The following ZBTB32 variants were observed in gnomAD, a reference collection of about 807,000 sequenced individuals.
ZBTB32 encodes the protein zinc finger and BTB domain-containing protein 32.
Under a neutral mutation model 45.3 loss-of-function variants are expected in ZBTB32, and 28 were observed. That is an observed-to-expected ratio of 0.62 (90% confidence interval 0.46 to 0.85). The LOEUF is 0.85. Among genes scored for constraint, ZBTB32 ranks in the 40% least tolerant of loss-of-function variants. The probability of loss-of-function intolerance (pLI) is 0.00; values close to 1 mark genes in which losing one functional copy is unlikely to be tolerated. For missense variants in ZBTB32, 587 were observed against 624.4 expected (o/e 0.94, Z 0.64); for synonymous variants, 283 against 255.7 (o/e 1.11, Z -1.02).
intron 1 of ZBTB32, among the ~76,000 whole-genome samples, chr19:35,707,081 G>T (rs1163643004): frequency 6.6e-6 from 1 of 151,758 alleles, no homozygotes; most frequent in Admixed American, 6.6e-5. Flanking sequence ...TGTAATCCCA[G>T]CTACTCAGGA....
chr19:35,717,012 TAAAG>T lies in ZBTB32; in HGVS notation c.*262_*265del. ...GAGATTGTCGATCTCATCACCATAA[TAAAG>T]AGTTTCCTGTGCCCTCCCTTCAGGA... On this transcript the variant is annotated 3_prime_UTR_variant, in exon 7 of 7. Coordinates refer to ENST00000392197, the MANE Select transcript of ZBTB32 (RefSeq NM_014383.3). 2 of 528,038 alleles carry T rather than the reference TAAAG, an allele frequency of 3.8e-6. No individual in the cohort carries two copies. Among genetic ancestry groups the T allele is most frequent in the Admixed American group, 3.4e-5 (1 of 29,596 alleles). The allele number at this position is 528,038 out of a possible 1,614,324, so 32.7% of individuals were successfully genotyped here. A position where few individuals can be genotyped will look rare whatever the true frequency, so the allele number is the denominator to read the frequency against.
rs1568362890 is a variant in ZBTB32 at position 35,716,233 on chromosome 19, CTCTG to C, written c.1131_1134del (p.Cys378GlufsTer38). The C allele has an allele frequency of 6.2e-7, 1 of 1,613,934 alleles. No homozygotes were observed. The highest frequency in any genetic ancestry group is 1.7e-5 in the Admixed American group (1 of 60,014). On this transcript the variant is annotated frameshift_variant, in exon 6 of 7. Transcript: ENST00000392197. LOFTEE classifies it high-confidence loss of function. The stretch of plus-strand genomic sequence containing the variant: ...CTGCTCGGTCTCGGCCCTATGCGTG[CTCTG>C]TCTGTGGAAAGAGGTTTTCACTCAA...
At chr19:35,711,823 G>A (rs62109453) in intron 1 of ZBTB32, among the ~76,000 whole-genome samples, 11,676 of 151,724 alleles carry the variant, frequency 0.077, 608 homozygotes, top group Middle Eastern at 0.19. Flanking sequence ...TCAGGAATTC[G>A]AGACCAGCCT....
At chr19:35,709,785 A>C (rs756926741) in intron 1 of ZBTB32, among the ~76,000 whole-genome samples, 30 of 152,088 alleles carry the variant, frequency 2.0e-4, no homozygotes, top group Non-Finnish European at 3.7e-4. Flanking sequence ...AGGCTGAGGC[A>C]GGAGAATCAC....
Position 35,715,435 on chromosome 19 carries a change from C to T in ZBTB32, c.809C>T (p.Pro270Leu). ...PALWSILLMP[P>L]RYGIPFYHST... Reference sequence around the variant, plus strand: ...CTGTGGAGCATCCTGCTGATGCCGCCCAGATATGGCATTCCCTTCTACCAT... The same window carrying T: ...CTGTGGAGCATCCTGCTGATGCCGCTCAGATATGGCATTCCCTTCTACCAT... The change falls in exon 3 of 7, where the codon CCC (proline) becomes CTC (leucine). Residue 270 changes from proline (P) to leucine (L), a missense_variant. Physicochemically the swap from Pro to Leu is moderately conservative, Grantham distance 98. Coordinates refer to ENST00000392197, the MANE Select transcript of ZBTB32 (RefSeq NM_014383.3). The T allele has an allele frequency of 6.3e-7, 1 of 1,595,256 alleles. No individual in the cohort carries two copies.
rs1360349049 is a variant in ZBTB32, at chr19:35,716,280, A to T, written c.1172A>T (p.His391Leu). Residue 391 changes from histidine to leucine, a missense_variant, in exon 6 of 7, where the codon CAC (histidine) becomes CTC (leucine). Coordinates refer to ENST00000392197, the MANE Select transcript of ZBTB32 (RefSeq NM_014383.3). ...RFSLKHQMET[H>L]YRVHTGEKPF... Reference sequence around the variant, plus strand: ...TCACTCAAGCATCAGATGGAGACGCACTACCGAGTCCACACAGGTATGGGC... The same window carrying T: ...TCACTCAAGCATCAGATGGAGACGCTCTACCGAGTCCACACAGGTATGGGC... 2 of 1,612,624 alleles carry T rather than the reference A, an allele frequency of 1.2e-6. No homozygotes were observed. Among genetic ancestry groups the T allele is most frequent in the Non-Finnish European group, 1.7e-6 (2 of 1,179,510 alleles).
chr19:35,715,920 C>T lies in ZBTB32; in HGVS notation c.956-19C>T, dbSNP rs1391069114. On this transcript the variant is annotated intron_variant, in intron 4 of 6. Coordinates refer to ENST00000392197, the MANE Select transcript of ZBTB32 (RefSeq NM_014383.3). ...AGTCCAGCCTGAGCAGGGCCCCTAC[C>T]TCCCACTGTTCCTTCCAGGTTCCCT... 4 of 1,612,306 alleles carry T rather than the reference C, an allele frequency of 2.5e-6. No individual in the cohort carries two copies. The South Asian group carries it at 3.3e-5, about 13-fold the overall frequency.
intron 1 of ZBTB32, among the ~76,000 whole-genome samples, chr19:35,708,636 G>A (rs1352624392): frequency 6.6e-6 from 1 of 152,102 alleles, no homozygotes; most frequent in African/African-American, 2.4e-5. Context: ...AATCCACAAA[G>A]TGTGTGCTAT....
chr19:35,716,738 T>C lies in ZBTB32; in HGVS notation c.1450T>C (p.Ser484Pro), dbSNP rs868422797. 11 of 1,605,776 alleles carry C rather than the reference T, an allele frequency of 6.9e-6. No individual in the cohort carries two copies. The African/African-American group carries it at 1.3e-4, about 20-fold the overall frequency. Residue 484 changes from serine to proline, a missense_variant, in exon 7 of 7, where the codon TCC becomes CCC. Coordinates refer to ENST00000392197, the MANE Select transcript of ZBTB32 (RefSeq NM_014383.3). ...RPSTSPCCPS[S>P]STT ...CTCGACCTCTCCCTGTTGTCCTTCT[T>C]CCTCCACCACCTGACGGGGTGTCGG...
rs1242020284 is a variant in ZBTB32, at chr19:35,715,786, G to A, written c.911G>A (p.Gly304Glu). 6.2e-7 allele frequency: 1 copy of A among 1,613,474 alleles called. No individual in the cohort carries two copies. The highest frequency in any genetic ancestry group is 1.7e-5 in the Admixed American group (1 of 59,972). Reference protein sequence around the residue: ...RIPLSLNAPKGLWSQNQLASS... With the variant: ...RIPLSLNAPKELWSQNQLASS... Reference sequence around the variant, plus strand: ...CCACTGTCCCTAAATGCCCCCAAAGGGCTCTGGAGCCAGAACCAGTTGGCC... The same window carrying A: ...CCACTGTCCCTAAATGCCCCCAAAGAGCTCTGGAGCCAGAACCAGTTGGCC... The change falls in exon 4 of 7, where the codon GGG becomes GAG. Residue 304 changes from glycine to glutamate, a missense_variant. By Grantham distance (98) the Gly-to-Glu change is moderately conservative (BLOSUM62 -2). Coordinates refer to ENST00000392197, the MANE Select transcript of ZBTB32 (RefSeq NM_014383.3).
intron 3 of ZBTB32, 83 bp downstream of exon 3, chr19:35,715,590 T>C (rs2146419983): frequency 6.7e-7 from 1 of 1,488,402 alleles, no homozygotes; most frequent in Non-Finnish European, 9.0e-7. Context: ...GGAAGGGCAC[T>C]GCATCTCTAC....
intron 1 of ZBTB32, among the ~76,000 whole-genome samples, chr19:35,711,502 T>C (rs1968692075): frequency 6.6e-6 from 1 of 152,156 alleles, no homozygotes; most frequent in Non-Finnish European, 1.5e-5. Context: ...CTGACTCATC[T>C]TCCCCTCTCC....
intron 1 of ZBTB32, among the ~76,000 whole-genome samples, chr19:35,706,786 T>C (rs1267524349): frequency 5.3e-5 from 8 of 152,198 alleles, no homozygotes; most frequent in Admixed American, 5.2e-4. Context: ...ATCTTTTTTA[T>C]ACTCATGGGG....
chr19:35,714,492 C>T, intron 2 of ZBTB32, 31 bp from the exon 3 acceptor site: 8 of 991,418 alleles, frequency 8.1e-6, no homozygotes, highest in Non-Finnish European at 1.1e-5. Flanking sequence ...CTAGGACCAG[C>T]AACTCACACC....
rs773746029 is a variant in ZBTB32, at chr19:35,712,024, C to CAAAA, written c.-221-868_-221-865dup. Among the ~76,000 whole-genome samples, 76 of 54,798 alleles carry CAAAA rather than the reference C, an allele frequency of 1.4e-3. 4 individuals are homozygous for CAAAA. The highest frequency in any genetic ancestry group is 1.4e-3 in the Non-Finnish European group (40 of 29,494). 35.9% of individuals were successfully genotyped at this position (54,798 alleles called of 152,430 possible). On this transcript the variant is annotated intron_variant, in intron 1 of 6. Transcript: ENST00000392197. ...TGGGAGACAGAGCGAGACTGCGTCTCAAAAAAAAAAAAAAAAAAAAAAAAA... is the reference window on the plus strand; with the variant it reads ...TGGGAGACAGAGCGAGACTGCGTCTCAAAAAAAAAAAAAAAAAAAAAAAAAAAAA...
rs780163901 is a variant in ZBTB32 at position 35,716,579 on chromosome 19, T to C, written c.1291T>C (p.Ser431Pro). 2 of 1,613,244 alleles carry C rather than the reference T, an allele frequency of 1.2e-6. No homozygotes were observed. The highest frequency in any genetic ancestry group is 3.3e-5 in the Admixed American group (2 of 60,020). Residue 431 changes from serine (S) to proline (P), a missense_variant, in exon 7 of 7, where the codon TCC becomes CCC. Ser to Pro is a moderately conservative substitution (Grantham distance 74, BLOSUM62 -1). Transcript: ENST00000392197. The part of the protein sequence containing the change: ...RTHGAAPYRC[S>P]LCGAGCPSLA... ...ACACGGGGCCGCTCCGTACCGCTGC[T>C]CCCTGTGCGGGGCCGGCTGTCCCAG...
intron 1 of ZBTB32, among the ~76,000 whole-genome samples, chr19:35,705,842 C>T (rs924865799): frequency 4.0e-5 from 6 of 149,032 alleles, no homozygotes; most frequent in African/African-American, 9.9e-5. Context: ...ACCCACGAGG[C>T]GGAGGTTGCA....
Position 35,715,386 on chromosome 19 carries a change from T to C in ZBTB32, c.760T>C (p.Trp254Arg), listed in dbSNP as rs752952764. ...TAGGCCCTCGTGGGCTGAGGCCCCT[T>C]GGTTGGTGGGGGGCCAGCCTGCCCT... Reference protein sequence around the residue: ...TPRPSWAEAPWLVGGQPALWS... With the variant: ...TPRPSWAEAPRLVGGQPALWS... The change falls in exon 3 of 7, where the codon TGG (tryptophan) becomes CGG (arginine). Residue 254 changes from tryptophan (W) to arginine (R), a missense_variant. By Grantham distance (101) the Trp-to-Arg change is moderately radical. Coordinates refer to ENST00000392197, the MANE Select transcript of ZBTB32 (RefSeq NM_014383.3). The C allele has an allele frequency of 1.9e-6, 3 of 1,611,834 alleles. No homozygotes were observed. Among genetic ancestry groups the C allele is most frequent in the Admixed American group, 3.4e-5 (2 of 59,592 alleles).
At chr19:35,710,260 T>C in intron 1 of ZBTB32, among the ~76,000 whole-genome samples, 1 of 151,994 alleles carries the variant, frequency 6.6e-6, no homozygotes, top group Admixed American at 6.6e-5. Context: ...GAGAGGCTGA[T>C]ATCATATTGC....
Sources: allele counts gnomAD v4.1 joint callset (sites outside exome capture counted in the v4.1 genomes callset), GRCh38; gene constraint gnomAD v4.1.1; transcripts MANE v1.5; gene names NCBI Gene and HGNC (gene_info 2026-07-23, HGNC 2026-07-21).